PARP14: variants seen among roughly 807,000 people sequenced by gnomAD.
The protein encoded by PARP14 is protein mono-ADP-ribosyltransferase PARP14.
PARP14 carries 59 observed loss-of-function variants against 154.2 expected under a neutral mutation model. The ratio of observed to expected loss-of-function variants is 0.38; its 90% confidence interval spans 0.31 to 0.48. The LOEUF (loss-of-function observed/expected upper bound fraction) is 0.48, where lower values mean the gene tolerates loss of function less well. Ranked by LOEUF, PARP14 falls within the 20% of genes least tolerant of loss-of-function variation. The pLI is 0.98. For missense variants in PARP14, 1,734 were observed against 2,131.6 expected (o/e 0.81, Z 3.67); for synonymous variants, 720 against 780.5 (o/e 0.92, Z 1.29).
At chr3:122,727,732 C>T (rs1933323690) in intron 15 of PARP14, 80 bp from the exon 16 acceptor site, 17 of 833,392 alleles carry the variant, frequency 2.0e-5, no homozygotes, top group Non-Finnish European at 3.1e-5. Flanking sequence ...ATTTATGAAA[C>T]ATAGTGATCA....
intron 6 of PARP14, among the ~76,000 whole-genome samples, chr3:122,702,740 AT>A (rs1400689405): frequency 1.3e-5 from 2 of 152,176 alleles, no homozygotes; most frequent in Non-Finnish European, 2.9e-5. Context: ...GTTGTGTCTC[AT>A]TTTAAAAAAT....
Position 122,714,249 on chromosome 3 carries a change from C to A in PARP14, c.3833-13C>A. ...TTCTACTAATTTTGCATCTTTTTGT[C>A]TGTGTTTCCCAGCTCAGCAGCGCAA... On this transcript the variant is annotated splice_polypyrimidine_tract_variant and intron_variant, in intron 11 of 16. Coordinates refer to ENST00000474629, the MANE Select transcript of PARP14 (RefSeq NM_017554.3). 6.4e-7 allele frequency: 1 copy of A among 1,574,208 alleles called. No individual in the cohort carries two copies. The highest frequency in any genetic ancestry group is 2.0e-5 in the Admixed American group (1 of 49,004).
At chr3:122,686,388 C>T (rs768087357) in intron 2 of PARP14, among the ~76,000 whole-genome samples, 29 of 152,088 alleles carry the variant, frequency 1.9e-4, no homozygotes, top group Non-Finnish European at 1.0e-4. Context: ...CTGCTGGGCT[C>T]ATGTGATCCA....
intron 2 of PARP14, 89 bp from the exon 3 acceptor site, chr3:122,686,991 C>T (rs1280979449): frequency 1.2e-6 from 1 of 849,890 alleles, no homozygotes; most frequent in Non-Finnish European, 1.9e-6. Context: ...TCTATTTACC[C>T]TCCATCTCCA....
chr3:122,722,237 G>C (rs1327364447), intron 15 of PARP14: 1 of 152,010 alleles, frequency 6.6e-6, no homozygotes, highest in African/African-American at 2.4e-5. Context: ...ATGTAAAACT[G>C]GTTGAACAAA....
In PARP14 at chr3:122,713,562, A is replaced by G. The variant is rs1168725056; in HGVS notation, c.3758A>G (p.Asn1253Ser). ...GTAAATTCAACATCAAACTCATTCA[A>G]TCTCAAAGCAGGTACTTGTACAATT... ...VIVNSTSNSF[N>S]LKAGVSKAIL... Residue 1253 changes from asparagine (N) to serine (S), a missense_variant, in exon 10 of 17, where the codon AAT (asparagine) becomes AGT (serine). By Grantham distance (46) the Asn-to-Ser change is conservative (BLOSUM62 1). This residue lies in a region of PARP14 where 1,646 missense variants were observed against 1,976.0 expected (regional missense o/e 0.83). Transcript: ENST00000474629. The G allele has an allele frequency of 2.1e-5, 34 of 1,613,454 alleles. No homozygotes were observed. Among genetic ancestry groups the G allele is most frequent in the Admixed American group, 6.7e-5 (4 of 59,990 alleles).
chr3:122,726,140 AT>A (rs1933281521), intron 15 of PARP14, among the ~76,000 whole-genome samples: 1 of 152,124 alleles, frequency 6.6e-6, no homozygotes, highest in South Asian at 2.1e-4. Flanking sequence ...AACATTTTTA[AT>A]TTGTTTATAT....
At chr3:122,719,564 G>T (rs563129748) in intron 14 of PARP14, among the ~76,000 whole-genome samples, 2 of 152,268 alleles carry the variant, frequency 1.3e-5, no homozygotes, top group African/African-American at 4.8e-5. Context: ...TCCTACCTTC[G>T]AACCAGATTA....
At chr3:122,695,365 T>A in intron 4 of PARP14, 61 bp from the exon 5 acceptor site, 1 of 840,938 alleles carries the variant, frequency 1.2e-6, no homozygotes, top group Non-Finnish European at 1.9e-6. Flanking sequence ...TTTTCTTCTA[T>A]ACAACATAAA....
intron 3 of PARP14, among the ~76,000 whole-genome samples, chr3:122,691,842 A>G (rs1040787973): frequency 4.6e-5 from 7 of 152,214 alleles, no homozygotes; most frequent in Admixed American, 4.6e-4. Flanking sequence ...ATTAAACTTC[A>G]ATTATGTATA....
At chr3:122,716,097 G>C (rs1315116693) in intron 12 of PARP14, among the ~76,000 whole-genome samples, 1 of 152,138 alleles carries the variant, frequency 6.6e-6, no homozygotes. Context: ...TTCTCTTTTA[G>C]TGGTGTATAT....
intron 9 of PARP14, among the ~76,000 whole-genome samples, chr3:122,712,432 G>C (rs1009966266): frequency 2.0e-5 from 3 of 152,048 alleles, no homozygotes; most frequent in African/African-American, 7.2e-5. Flanking sequence ...TCTTTTAGCA[G>C]AGAGAAGGTT....
chr3:122,685,991 A>G (rs1389400842), intron 2 of PARP14, among the ~76,000 whole-genome samples: 2 of 152,188 alleles, frequency 1.3e-5, no homozygotes, highest in South Asian at 2.1e-4. Context: ...TACTACCTGT[A>G]TTAAGTATTA....
intron 7 of PARP14, 82 bp from the exon 8 acceptor site, chr3:122,704,445 C>T: frequency 1.2e-6 from 1 of 822,300 alleles, no homozygotes. Context: ...TTCAAGTTCA[C>T]AAAGTTGCTA....
chr3:122,722,766 C>G (rs1258136804), intron 15 of PARP14: 3 of 152,118 alleles, frequency 2.0e-5, no homozygotes, highest in African/African-American at 7.2e-5. Context: ...CTTTTGCTTT[C>G]TCTCCCTGTC....
At chr3:122,712,628 C>T (rs1939360139) in intron 9 of PARP14, among the ~76,000 whole-genome samples, 1 of 151,972 alleles carries the variant, frequency 6.6e-6, no homozygotes, top group Non-Finnish European at 1.5e-5. Context: ...TCTCAACTCA[C>T]TGCAGCCTCA....
intron 15 of PARP14, among the ~76,000 whole-genome samples, chr3:122,724,948 A>G: frequency 6.6e-6 from 1 of 152,190 alleles, no homozygotes; most frequent in East Asian, 1.9e-4. Flanking sequence ...CACATGTTTC[A>G]GAGAGCACGG....
At chr3:122,726,616 A>AT (rs1224183149) in intron 15 of PARP14, among the ~76,000 whole-genome samples, 6 of 151,924 alleles carry the variant, frequency 3.9e-5, no homozygotes, top group Admixed American at 3.3e-4. Flanking sequence ...TTTATTTGCA[A>AT]TTTTTTTTAC....
chr3:122,683,471 G>T (rs1478801315), intron 1 of PARP14, among the ~76,000 whole-genome samples: 1 of 152,180 alleles, frequency 6.6e-6, no homozygotes, highest in Non-Finnish European at 1.5e-5. Flanking sequence ...TGAAAAGTTG[G>T]TGTAAATTGA....
Sources: gnomAD v4.1 joint callset for allele counts (sites outside exome capture counted in the v4.1 genomes callset) on GRCh38, gnomAD v4.1.1 for gene constraint, gnomAD v4.1.1 regional missense constraint, MANE v1.5 for transcripts, NCBI Gene and HGNC (gene_info 2026-07-23, HGNC 2026-07-21) for gene names.